Variants in BMX observed in about 807,000 individuals in gnomAD.
BMX encodes the protein BMX non-receptor tyrosine kinase.
BMX carries 31 observed loss-of-function variants against 59.2 expected under a neutral mutation model. That is an observed-to-expected ratio of 0.52 (90% confidence interval 0.39 to 0.71). The LOEUF (loss-of-function observed/expected upper bound fraction) is 0.71. BMX is among the 30% of genes least tolerant of loss of function. The pLI is 0.00. For synonymous variants in BMX, 185 were observed against 181.0 expected (o/e 1.02, Z -0.18); for missense variants, 474 against 491.7 (o/e 0.96, Z 0.34).
intron 6 of BMX, among the ~76,000 whole-genome samples, chrX:15,519,170 A>G (rs1170735195): frequency 2.7e-5 from 3 of 111,672 alleles, no homozygotes; most frequent in East Asian, 5.7e-4. Flanking sequence ...ATGGCTTCCC[A>G]TTGGTTCTCT....
intron 1 of BMX, among the ~76,000 whole-genome samples, chrX:15,506,592 G>A (rs943643608): frequency 2.7e-5 from 3 of 112,093 alleles, no homozygotes; most frequent in Non-Finnish European, 5.6e-5. Flanking sequence ...ATAAGTCTCC[G>A]AGCAAATTCT....
intron 6 of BMX, among the ~76,000 whole-genome samples, chrX:15,520,091 G>A (rs1310588247): frequency 8.9e-6 from 1 of 112,160 alleles, no homozygotes; most frequent in African/African-American, 3.2e-5. Flanking sequence ...AATAAGTATG[G>A]CAATGCTGAA....
intron 6 of BMX, 63 bp from the exon 7 acceptor site, chrX:15,522,283 T>G: frequency 8.6e-7 from 1 of 1,166,908 alleles, no homozygotes; most frequent in Non-Finnish European, 1.2e-6. Context: ...TACTTAATTG[T>G]CAGTTCCCGG....
At position 15,527,225 on chromosome X, in the gene BMX, AACAC is replaced by A. The variant is rs1291868139; in HGVS notation, c.884+1148_884+1151del. On this transcript the variant is annotated intron_variant, in intron 9 of 18. Coordinates refer to ENST00000348343, the MANE Select transcript of BMX (RefSeq NM_203281.3). ...AAAAAAAAAAAAAAAAAACAACACA[AACAC>A]ACACACACACACACACAAATATATA... is the stretch of plus-strand genomic sequence containing the variant. 6.3e-3 allele frequency among the ~76,000 whole-genome samples: 333 copies of A among 53,223 alleles called. 7 individuals carry two copies. Among genetic ancestry groups the A allele is most frequent in the African/African-American group, 0.028 (319 of 11,277 alleles). The allele number at this position is 53,223 out of a possible 115,157, so 46.2% of individuals were successfully genotyped here.
chrX:15,539,258 T>TA (rs1381780114), intron 14 of BMX, among the ~76,000 whole-genome samples: 3 of 110,995 alleles, frequency 2.7e-5, no homozygotes, highest in Non-Finnish European at 5.7e-5. Flanking sequence ...CTGGTATCCA[T>TA]AAAAAAATCA....
In BMX at chrX:15,522,477, G is replaced by A. The variant is rs145626834; in HGVS notation, c.642G>A (p.Ala214=). The change falls in exon 7 of 19, where the codon GCG becomes GCA. Residue 214 remains alanine, a synonymous_variant. Coordinates refer to ENST00000348343, the MANE Select transcript of BMX (RefSeq NM_203281.3). ...SQPPSSSTSL[A]QYDSNSKKIY... ...CACCATCTTCAAGTACCAGTCTAGC[G>A]CAATATGACAGCAACTCAAAGAAAA... is the stretch of plus-strand genomic sequence containing the variant. 7.7e-5 allele frequency: 93 copies of A among 1,210,820 alleles called. No individual in the cohort carries two copies. Among genetic ancestry groups the A allele is most frequent in the East Asian group, 4.4e-4 (15 of 33,766 alleles).
At chrX:15,522,970 T>A (rs762520800) in intron 7 of BMX, among the ~76,000 whole-genome samples, 1 of 112,463 alleles carries the variant, frequency 8.9e-6, no homozygotes, top group South Asian at 3.7e-4. Flanking sequence ...AAATAGCATT[T>A]CAAGCAAGGC....
At chrX:15,525,147 C>A in intron 7 of BMX, 141 bp from the exon 8 acceptor site, 1 of 567,095 alleles carries the variant, frequency 1.8e-6, no homozygotes, top group Non-Finnish European at 2.7e-6. Context: ...AACTCATTAG[C>A]TTAAATTTCC....
At position 15,500,821 on chromosome X, in the gene BMX, C is replaced by T. The variant is rs1240028001; in HGVS notation, c.-129C>T. ...CTGAGTAATGTAGCCATTTCTGACC[C>T]GGCAGCCAGGAAAATGTGAAACAAT... is the stretch of plus-strand genomic sequence containing the variant. On this transcript the variant is annotated 5_prime_UTR_variant, in exon 1 of 19. Transcript: ENST00000348343. 4.0e-6 allele frequency: 3 copies of T among 752,101 alleles called. No individual in the cohort carries two copies. The highest frequency in any genetic ancestry group is 3.0e-4 in the East Asian group (2 of 6,573). The allele number at this position is 752,101 out of a possible 1,213,427, so 62.0% of individuals were successfully genotyped here. A position where few individuals can be genotyped will look rare whatever the true frequency, so the allele number is the denominator to read the frequency against.
chrX:15,531,505 C>G lies in BMX; in HGVS notation c.1019+98C>G, dbSNP rs768025005. 8.0e-5 allele frequency: 59 copies of G among 733,764 alleles called. No homozygotes were observed. In the African/African-American group the frequency reaches 1.2e-3, roughly 15 times the overall value. 60.5% of individuals were successfully genotyped at this position (733,764 alleles called of 1,213,427 possible). A position where few individuals can be genotyped will look rare whatever the true frequency, so the allele number is the denominator to read the frequency against. On this transcript the variant is annotated intron_variant, in intron 11 of 18. Coordinates refer to ENST00000348343, the MANE Select transcript of BMX (RefSeq NM_203281.3). ...TTTGGGATAAGACATCATCTTTAAA[C>G]TCTGGAATTTTAAATCAAAGTATTT...
chrX:15,546,675 C>A, intron 16 of BMX, 128 bp from the exon 17 acceptor site: 1 of 477,726 alleles, frequency 2.1e-6, no homozygotes, highest in African/African-American at 2.4e-5. Flanking sequence ...GCTAAGCCCA[C>A]ACATTGAAAG....
intron 1 of BMX, among the ~76,000 whole-genome samples, chrX:15,505,242 C>G (rs923909639): frequency 8.9e-5 from 10 of 112,131 alleles, no homozygotes; most frequent in African/African-American, 3.2e-4. Flanking sequence ...AGGAGAAAGG[C>G]AAGCCCAAGC....
In BMX at chrX:15,522,330, T is replaced by G; in HGVS notation, c.511-16T>G. ...GTGCCTCACTGTGATGTATTAAAAT[T>G]TCTTCCCCTCCAAAGCTGAAGATAC... is the stretch of plus-strand genomic sequence containing the variant. On this transcript the variant is annotated splice_polypyrimidine_tract_variant and intron_variant, in intron 6 of 18. Transcript: ENST00000348343. 1 of 1,208,559 alleles carries G rather than the reference T, an allele frequency of 8.3e-7. No individual in the cohort carries two copies. Among genetic ancestry groups the G allele is most frequent in the South Asian group, 1.8e-5 (1 of 56,609 alleles).
chrX:15,516,078 C>G, intron 4 of BMX, 34 bp from the exon 5 acceptor site: 1 of 1,201,041 alleles, frequency 8.3e-7, no homozygotes, highest in Non-Finnish European at 1.1e-6. Context: ...TCAACGTTTG[C>G]TAACGTCTTG....
rs1451449698 is a variant in BMX at position 15,536,425 on chromosome X, A to C, written c.1220A>C (p.Asn407Thr). 1 of 1,200,719 alleles carries C rather than the reference A, an allele frequency of 8.3e-7. No individual in the cohort carries two copies. Among genetic ancestry groups the C allele is most frequent in the Non-Finnish European group, 1.1e-6 (1 of 887,103 alleles). The change falls in exon 13 of 19, where the codon AAT becomes ACT. Residue 407 changes from asparagine to threonine, a missense_variant and splice_region_variant. Physicochemically the swap from Asn to Thr is moderately conservative, Grantham distance 65. Coordinates refer to ENST00000348343, the MANE Select transcript of BMX (RefSeq NM_203281.3). ...NKVPDSVSLGNGIWELKREEI... is the reference protein window; with the variant it reads ...NKVPDSVSLGTGIWELKREEI... ...GTCCCCGACTCTGTGTCCCTGGGAAATGGTATGGATACATACTTGGGTTCT... is the reference window on the plus strand; with the variant it reads ...GTCCCCGACTCTGTGTCCCTGGGAACTGGTATGGATACATACTTGGGTTCT...
rs775195562 is a variant in BMX at position 15,508,512 on chromosome X, T to C, written c.138+21T>C. 149 of 1,117,571 alleles carry C rather than the reference T, an allele frequency of 1.3e-4. 2 individuals carry two copies. In the South Asian group the frequency reaches 2.9e-3, roughly 22 times the overall value. 92.1% of individuals were successfully genotyped at this position (1,117,571 alleles called of 1,213,427 possible). A position where few individuals can be genotyped will look rare whatever the true frequency, so the allele number is the denominator to read the frequency against. ...AAATGGTGAGACATCATGTGTTCCA[T>C]TATTTTTATACTATTTATTATTTTT... On this transcript the variant is annotated intron_variant, in intron 2 of 18. Coordinates refer to ENST00000348343, the MANE Select transcript of BMX (RefSeq NM_203281.3).
At chrX:15,547,854 C>T (rs1007934063) in intron 17 of BMX, among the ~76,000 whole-genome samples, 2 of 111,705 alleles carry the variant, frequency 1.8e-5, no homozygotes, top group Non-Finnish European at 3.8e-5. Context: ...CAATCACTGT[C>T]GGATGGACCC....
chrX:15,501,645 C>T (rs1015792636), intron 1 of BMX, among the ~76,000 whole-genome samples: 4 of 111,497 alleles, frequency 3.6e-5, no homozygotes, highest in Admixed American at 9.5e-5. Flanking sequence ...GATTTGGCTG[C>T]GCGAGGTCTC....
chrX:15,532,388 A>G (rs1308098998), intron 11 of BMX, among the ~76,000 whole-genome samples: 1 of 110,954 alleles, frequency 9.0e-6, no homozygotes, highest in African/African-American at 3.3e-5. Context: ...CATATTGCAG[A>G]TGAGAGGATT....
Sources: allele counts gnomAD v4.1 joint callset (sites outside exome capture counted in the v4.1 genomes callset), GRCh38; gene constraint gnomAD v4.1.1; transcripts MANE v1.5; gene names NCBI Gene and HGNC (gene_info 2026-07-23, HGNC 2026-07-21).